Variants in ERBB4 observed in about 807,000 individuals in gnomAD.
The protein encoded by ERBB4 is erb-b2 receptor tyrosine kinase 4.
Under a neutral mutation model 158.0 loss-of-function variants are expected in ERBB4, and 42 were observed. The observed-to-expected ratio is 0.27, with a 90% CI of 0.21 to 0.34. The LOEUF (loss-of-function observed/expected upper bound fraction) is 0.34, where lower values mean the gene tolerates loss of function less well. Ranked by LOEUF, ERBB4 falls within the 10% of genes least tolerant of loss-of-function variation. The pLI is 1.00. For synonymous variants in ERBB4, 583 were observed against 558.7 expected (o/e 1.04, Z -0.61); for missense variants, 1,333 against 1,624.1 (o/e 0.82, Z 3.08).
chr2:211,766,065 ATGTAT>A (rs2075543412), intron 4 of ERBB4, among the ~76,000 whole-genome samples: 1 of 152,034 alleles, frequency 6.6e-6, no homozygotes, highest in South Asian at 2.1e-4. Context: ...TCTTTCTTTT[ATGTAT>A]TTCTCTTACT....
At chr2:212,447,774 TTG>T (rs3040357) in intron 1 of ERBB4, among the ~76,000 whole-genome samples, 13,395 of 146,902 alleles carry the variant, frequency 0.091, 599 homozygotes, top group Non-Finnish European at 0.099. Context: ...TCATAAAAGA[TTG>T]TGTGTGTGTG....
intron 4 of ERBB4, among the ~76,000 whole-genome samples, chr2:211,774,197 C>T (rs763281831): frequency 3.3e-5 from 5 of 151,852 alleles, no homozygotes; most frequent in Admixed American, 6.6e-5. Flanking sequence ...CCCAGCCTCC[C>T]GAGTAGCTGG....
chr2:211,675,809 T>TAA (rs1553607862), intron 13 of ERBB4, among the ~76,000 whole-genome samples: 4 of 143,674 alleles, frequency 2.8e-5, no homozygotes, highest in Non-Finnish European at 4.6e-5. Context: ...TATATATATA[T>TAA]AACAAATAGG....
chr2:212,201,401 C>T (rs771195559), intron 1 of ERBB4, among the ~76,000 whole-genome samples: 2 of 152,098 alleles, frequency 1.3e-5, no homozygotes, highest in Non-Finnish European at 2.9e-5. Context: ...CGTGGATTCA[C>T]CTGATAGTGG....
chr2:212,500,620 G>A (rs1690835863), intron 1 of ERBB4, among the ~76,000 whole-genome samples: 1 of 151,970 alleles, frequency 6.6e-6, no homozygotes, highest in Non-Finnish European at 1.5e-5. Flanking sequence ...CCACAATGCA[G>A]ACATGTTAAG....
intron 7 of ERBB4, among the ~76,000 whole-genome samples, chr2:211,718,669 A>G (rs2073999554): frequency 6.6e-6 from 1 of 152,160 alleles, no homozygotes. Flanking sequence ...CACTAAATTT[A>G]TATACTACTG....
At chr2:211,594,944 A>G (rs2068587152) in intron 19 of ERBB4, among the ~76,000 whole-genome samples, 1 of 152,224 alleles carries the variant, frequency 6.6e-6, no homozygotes, top group South Asian at 2.1e-4. Context: ...GTATGTCTAC[A>G]TAAATATATC....
At chr2:211,600,956 G>A (rs2068781770) in intron 19 of ERBB4, among the ~76,000 whole-genome samples, 1 of 152,000 alleles carries the variant, frequency 6.6e-6, no homozygotes, top group African/African-American at 2.4e-5. Context: ...TCACAGTAAA[G>A]TTCAAATCAA....
Position 212,304,418 on chromosome 2 carries a change from G to A in ERBB4, c.83-179515C>T, listed in dbSNP as rs528902982. 5.3e-5 allele frequency among the ~76,000 whole-genome samples: 8 copies of A among 151,604 alleles called. No individual in the cohort carries two copies. In the East Asian group the frequency reaches 5.9e-4, roughly 11 times the overall value. On this transcript the variant is annotated intron_variant, in intron 1 of 27. Coordinates refer to ENST00000342788, the MANE Select transcript of ERBB4 (RefSeq NM_005235.3). The stretch of plus-strand genomic sequence containing the variant: ...CTAAAGTCAACATGCATGAGAACAC[G>A]TTTGGCCTGTGTCTGGGCTGGCCTG...
chr2:211,803,042 A>G (rs753580802), intron 3 of ERBB4, among the ~76,000 whole-genome samples: 1 of 152,256 alleles, frequency 6.6e-6, no homozygotes, highest in African/African-American at 2.4e-5. Context: ...CACACAATGT[A>G]GACATCCTAA....
chr2:211,642,488 T>A (rs144177966), intron 16 of ERBB4, among the ~76,000 whole-genome samples: 1 of 152,240 alleles, frequency 6.6e-6, no homozygotes, highest in African/African-American at 2.4e-5. Context: ...ATCATTGGAT[T>A]TCTTTACTTT....
At chr2:211,534,046 C>A (rs1237549353) in intron 20 of ERBB4, among the ~76,000 whole-genome samples, 1 of 152,064 alleles carries the variant, frequency 6.6e-6, no homozygotes, top group African/African-American at 2.4e-5. Context: ...AGAAATGCAG[C>A]TGTGGGATTA....
intron 3 of ERBB4, among the ~76,000 whole-genome samples, chr2:211,802,440 G>C (rs866843764): frequency 6.6e-6 from 1 of 152,116 alleles, no homozygotes; most frequent in Non-Finnish European, 1.5e-5. Flanking sequence ...TTAACTATTA[G>C]GTTCTCTATT....
rs138151786 is a variant in ERBB4, at chr2:211,795,462, T to G, written c.422-7303A>C. 2.8e-3 allele frequency among the ~76,000 whole-genome samples: 422 copies of G among 152,026 alleles called. 3 individuals carry two copies. Among genetic ancestry groups the G allele is most frequent in the Non-Finnish European group, 2.7e-3 (184 of 67,860 alleles). On this transcript the variant is annotated intron_variant, in intron 3 of 27. Coordinates refer to ENST00000342788, the MANE Select transcript of ERBB4 (RefSeq NM_005235.3). ...CAAGGAATATGCTTCTTTTGAGTAT[T>G]CATACTAACATTGCTTTAATCAGTA...
intron 1 of ERBB4, among the ~76,000 whole-genome samples, chr2:212,357,656 T>C (rs1052976324): frequency 1.3e-5 from 2 of 151,652 alleles, no homozygotes; most frequent in Non-Finnish European, 2.9e-5. Context: ...CATTTTCCTT[T>C]GACTAACCTC....
rs749281448 is a variant in ERBB4 at position 212,150,505 on chromosome 2, G to A, written c.83-25602C>T. On this transcript the variant is annotated intron_variant, in intron 1 of 27. Transcript: ENST00000342788. ...GCATATCTTTTACAGGCACACATTC[G>A]ACCTCTAACAACTAATAACATGAAT... Among the ~76,000 whole-genome samples, 77 of 151,932 alleles carry A rather than the reference G, an allele frequency of 5.1e-4. 1 individual carries two copies. Among genetic ancestry groups the A allele is most frequent in the Non-Finnish European group, 7.4e-5 (5 of 68,006 alleles).
At chr2:212,185,198 T>C (rs1266850575) in intron 1 of ERBB4, among the ~76,000 whole-genome samples, 1 of 151,784 alleles carries the variant, frequency 6.6e-6, no homozygotes, top group Non-Finnish European at 1.5e-5. Flanking sequence ...GTTTTTGTAT[T>C]TTTAGTACAG....
chr2:212,176,950 C>T (rs1175222381), intron 1 of ERBB4, among the ~76,000 whole-genome samples: 1 of 151,706 alleles, frequency 6.6e-6, no homozygotes, highest in Non-Finnish European at 1.5e-5. Context: ...TATTCTTAAA[C>T]TAAAATAATT....
chr2:212,270,691 A>G (rs1011898363), intron 1 of ERBB4, among the ~76,000 whole-genome samples: 1 of 151,796 alleles, frequency 6.6e-6, no homozygotes, highest in Non-Finnish European at 1.5e-5. Flanking sequence ...CCACCATGTA[A>G]CAAGTCTGAT....
Sources: allele counts gnomAD v4.1 joint callset (sites outside exome capture counted in the v4.1 genomes callset), GRCh38; gene constraint gnomAD v4.1.1; transcripts MANE v1.5; gene names NCBI Gene and HGNC (gene_info 2026-07-23, HGNC 2026-07-21).